USO1: variants seen among roughly 807,000 people sequenced by gnomAD.
USO1 encodes the protein general vesicular transport factor p115.
A neutral mutation model predicts 124.5 loss-of-function variants in USO1; 57 were observed. That is an observed-to-expected ratio of 0.46 (90% confidence interval 0.37 to 0.57). The LOEUF (loss-of-function observed/expected upper bound fraction) is 0.57. Ranked by LOEUF, USO1 falls within the 20% of genes least tolerant of loss-of-function variation. USO1 has a pLI of 0.00. For missense variants in USO1, 900 were observed against 1,040.6 expected, an observed-to-expected ratio of 0.86 and a Z score of 1.86; for synonymous variants, 369 against 362.8, an observed-to-expected ratio of 1.02 and a Z score of -0.19.
At chr4:75,797,187 C>T (rs1722710043) in intron 13 of USO1, among the ~76,000 whole-genome samples, 2 of 151,952 alleles carry the variant, frequency 1.3e-5, no homozygotes, top group East Asian at 1.9e-4. Flanking sequence ...CCAAAAAAGA[C>T]TTTATAAGGA....
intron 1 of USO1, 172 bp downstream of exon 1, chr4:75,725,057 G>C: frequency 1.4e-6 from 1 of 721,874 alleles, no homozygotes; most frequent in Non-Finnish European, 2.3e-6. Context: ...ATTCAATCAC[G>C]CCCCCAGCTC....
At position 75,796,875 on chromosome 4, in the gene USO1, A is replaced by AT. The variant is rs11290866; in HGVS notation, c.1453-2732dup. ...CCCTTGTTTTTAATATGAGTTACAG[A>AT]TTTTTTTTTTTTTTTCTGGTATGTC... On this transcript the variant is annotated intron_variant, in intron 13 of 23. Coordinates refer to ENST00000514213, the MANE Select transcript of USO1 (RefSeq NM_003715.4). Among the ~76,000 whole-genome samples the AT allele has an allele frequency of 3.4e-3, 445 of 131,654 alleles. 1 individual carries two copies. The highest frequency in any genetic ancestry group is 0.012 in the African/African-American group (390 of 33,552). The allele number at this position is 131,654 out of a possible 152,430, so 86.4% of individuals were successfully genotyped here.
chr4:75,764,942 A>G (rs572200336), intron 4 of USO1, among the ~76,000 whole-genome samples: 9 of 152,296 alleles, frequency 5.9e-5, no homozygotes, highest in Middle Eastern at 3.4e-3. Context: ...GACAGAGCAT[A>G]TACTCCCCAT....
At position 75,801,348 on chromosome 4, in the gene USO1, G is replaced by C. The variant is rs878930855; in HGVS notation, c.1986+148G>C. On this transcript the variant is annotated intron_variant, in intron 17 of 23. Transcript: ENST00000514213. ...AAAGCATCTGAGTATTCAACAAACA[G>C]AGTGCTTAATATGTGCTAAGCACCA... The C allele has an allele frequency of 6.3e-6, 6 of 958,034 alleles. No individual in the cohort carries two copies. In the South Asian group the frequency reaches 1.5e-4, roughly 25 times the overall value. 59.3% of individuals were successfully genotyped at this position (958,034 alleles called of 1,614,324 possible).
chr4:75,759,264 T>TTTTTTTC (rs1553898967), intron 4 of USO1, among the ~76,000 whole-genome samples: 1 of 145,428 alleles, frequency 6.9e-6, no homozygotes, highest in Non-Finnish European at 1.5e-5. Flanking sequence ...TTTTTTTTTT[T>TTTTTTTC]CTGAAAATTT....
chr4:75,788,776 G>A (rs571147043), intron 10 of USO1, among the ~76,000 whole-genome samples: 13 of 151,536 alleles, frequency 8.6e-5, no homozygotes, highest in Non-Finnish European at 1.6e-4. Flanking sequence ...CAAGTGATCC[G>A]CCCACCTCAG....
intron 12 of USO1, among the ~76,000 whole-genome samples, chr4:75,791,932 G>A (rs563865610): frequency 1.6e-4 from 25 of 151,700 alleles, no homozygotes; most frequent in African/African-American, 4.4e-4. Context: ...TTTAATTAAG[G>A]TAATTTTTTG....
At chr4:75,790,894 T>A in intron 12 of USO1, 97 bp downstream of exon 12, 1 of 1,358,090 alleles carries the variant, frequency 7.4e-7, no homozygotes, top group Non-Finnish European at 9.6e-7. Context: ...CCTAAAATAC[T>A]TTGCATGCTT....
At chr4:75,762,593 A>G (rs1170127036) in intron 4 of USO1, among the ~76,000 whole-genome samples, 1 of 151,752 alleles carries the variant, frequency 6.6e-6, no homozygotes, top group Non-Finnish European at 1.5e-5. Context: ...CATGTAATTC[A>G]CAAAACTAGT....
chr4:75,781,685 T>C (rs1177552610), intron 8 of USO1, among the ~76,000 whole-genome samples: 1 of 152,094 alleles, frequency 6.6e-6, no homozygotes, highest in Non-Finnish European at 1.5e-5. Flanking sequence ...AATAAGTAGA[T>C]GTCTGTGTAG....
chr4:75,782,615 A>C, intron 8 of USO1, 65 bp from the exon 9 acceptor site: 1 of 1,488,050 alleles, frequency 6.7e-7, no homozygotes, highest in South Asian at 1.4e-5. Flanking sequence ...CTTTTTAAAA[A>C]TGTTTGGGAG....
intron 1 of USO1, among the ~76,000 whole-genome samples, chr4:75,742,305 A>G (rs1416334087): frequency 6.6e-6 from 1 of 152,164 alleles, no homozygotes; most frequent in Non-Finnish European, 1.5e-5. Flanking sequence ...CACATGAGTA[A>G]TGTGTTGTGC....
chr4:75,765,866 C>A (rs763182016), intron 4 of USO1, among the ~76,000 whole-genome samples: 1 of 152,104 alleles, frequency 6.6e-6, no homozygotes, highest in Non-Finnish European at 1.5e-5. Context: ...TATTATCAGG[C>A]CTTTGTAGCA....
chr4:75,751,523 T>TAA (rs2149153644), intron 1 of USO1, among the ~76,000 whole-genome samples: 1 of 147,482 alleles, frequency 6.8e-6, no homozygotes, highest in South Asian at 2.2e-4. Context: ...AGATTCGTTT[T>TAA]AAAATTCAGT....
In USO1 at chr4:75,809,042, A is replaced by G. The variant is rs324689; in HGVS notation, c.2466A>G (p.Thr822=). ...AAAAGCAGGAACTGTTACAGAAAACAGAAGCGTTTGTAAGTATTTTCTCTT... is the reference window on the plus strand; with the variant it reads ...AAAAGCAGGAACTGTTACAGAAAACGGAAGCGTTTGTAAGTATTTTCTCTT... ...QTEKQELLQK[T]EAFAKSVEVQ... The change falls in exon 21 of 24, where the codon ACA becomes ACG. Residue 822 remains threonine (T), a synonymous_variant. Coordinates refer to ENST00000514213, the MANE Select transcript of USO1 (RefSeq NM_003715.4). 0.12 allele frequency: 193,137 copies of G among 1,593,544 alleles called. 12,350 individuals are homozygous for G. Among genetic ancestry groups the G allele is most frequent in the Middle Eastern group, 0.14 (847 of 6,042 alleles).
intron 1 of USO1, among the ~76,000 whole-genome samples, chr4:75,742,060 T>C (rs1302462162): frequency 6.6e-6 from 1 of 152,230 alleles, no homozygotes. Flanking sequence ...TAATGCCTTC[T>C]TCTGGAATAC....
At position 75,790,243 on chromosome 4, in the gene USO1, A is replaced by C; in HGVS notation, c.1085+5A>C. ...TGCACCTTCAAACCCACCAAGGTAG[A>C]AAAAGGGAAATACTGAGATTACTCT... On this transcript the variant is annotated splice_donor_5th_base_variant and intron_variant, in intron 11 of 23. Transcript: ENST00000514213. 9 of 1,586,058 alleles carry C rather than the reference A, an allele frequency of 5.7e-6. No homozygotes were observed. Among genetic ancestry groups the C allele is most frequent in the Non-Finnish European group, 7.7e-6 (9 of 1,165,118 alleles).
At chr4:75,741,578 T>C (rs1162001598) in intron 1 of USO1, among the ~76,000 whole-genome samples, 1 of 150,472 alleles carries the variant, frequency 6.6e-6, no homozygotes, top group Non-Finnish European at 1.5e-5. Flanking sequence ...CTTTTTCCTA[T>C]TTTAAAATTT....
intron 20 of USO1, among the ~76,000 whole-genome samples, chr4:75,807,031 A>G (rs1473615539): frequency 6.6e-6 from 1 of 152,154 alleles, no homozygotes; most frequent in Admixed American, 6.5e-5. Flanking sequence ...ACTCCAGCTA[A>G]AAAGCAAAAT....
Sources: allele counts gnomAD v4.1 joint callset (sites outside exome capture counted in the v4.1 genomes callset), GRCh38; gene constraint gnomAD v4.1.1; transcripts MANE v1.5; gene names NCBI Gene and HGNC (gene_info 2026-07-23, HGNC 2026-07-21).